The following NUBPL variants were observed in gnomAD, a reference collection of about 807,000 sequenced individuals.
NUBPL encodes iron-sulfur cluster transfer protein NUBPL.
A neutral mutation model predicts 45.7 loss-of-function variants in NUBPL; 31 were observed. The observed-to-expected ratio is 0.68, with a 90% CI of 0.51 to 0.92. The LOEUF (loss-of-function observed/expected upper bound fraction) is 0.92. Ranked by LOEUF, NUBPL falls within the 40% of genes least tolerant of loss-of-function variation. The pLI, the probability that NUBPL is intolerant of heterozygous loss-of-function variation, is 0.00. For synonymous variants in NUBPL, 144 were observed against 140.9 expected (o/e 1.02, Z -0.15); for missense variants, 401 against 398.7 (o/e 1.01, Z -0.05).
At chr14:31,693,578 T>C (rs1018490840) in intron 6 of NUBPL, among the ~76,000 whole-genome samples, 1 of 152,122 alleles carries the variant, frequency 6.6e-6, no homozygotes, top group African/African-American at 2.4e-5. Flanking sequence ...ATGGAAAAGA[T>C]TCATAGACTA....
rs552007112 is a variant in NUBPL at position 31,810,431 on chromosome 14, G to A, written c.608-16198G>A. ...TAAAGTCTGTTTTATCAGAGTCTAG[G>A]ATTGCAACCCCTGTTGTTTTTTGTT... is the stretch of plus-strand genomic sequence containing the variant. On this transcript the variant is annotated intron_variant, in intron 7 of 10. Transcript: ENST00000281081. Among the ~76,000 whole-genome samples the A allele has an allele frequency of 7.2e-5, 11 of 152,230 alleles. No individual in the cohort carries two copies. The East Asian group carries it at 2.1e-3, about 29-fold the overall frequency.
chr14:31,611,111 A>G (rs573926672), intron 4 of NUBPL, among the ~76,000 whole-genome samples: 43 of 152,308 alleles, frequency 2.8e-4, no homozygotes, highest in African/African-American at 9.4e-4. Context: ...AATAAGGGAC[A>G]TCCAAATTGG....
chr14:31,635,718 A>G (rs2035475975), intron 4 of NUBPL, among the ~76,000 whole-genome samples: 1 of 131,470 alleles, frequency 7.6e-6, no homozygotes, highest in Non-Finnish European at 1.8e-5. Context: ...CTTCCTACCC[A>G]TGAGCATGGA....
intron 7 of NUBPL, among the ~76,000 whole-genome samples, chr14:31,813,344 C>G (rs776194704): frequency 6.6e-6 from 1 of 151,934 alleles, no homozygotes; most frequent in Non-Finnish European, 1.5e-5. Flanking sequence ...GCCCATTTAA[C>G]TGTTCACTCC....
At chr14:31,782,485 A>G (rs1169620172) in intron 6 of NUBPL, among the ~76,000 whole-genome samples, 2 of 152,004 alleles carry the variant, frequency 1.3e-5, no homozygotes, top group African/African-American at 4.8e-5. Context: ...GTAACCTTAA[A>G]TTTTATTAAA....
intron 4 of NUBPL, among the ~76,000 whole-genome samples, chr14:31,607,205 A>T (rs1404521750): frequency 1.3e-5 from 2 of 151,902 alleles, no homozygotes. Flanking sequence ...ACATGGTGAA[A>T]CCCCATCTCT....
Position 31,754,591 on chromosome 14 carries a change from C to CTT in NUBPL, c.514-33169_514-33168dup, listed in dbSNP as rs59085679. On this transcript the variant is annotated intron_variant, in intron 6 of 10. Coordinates refer to ENST00000281081, the MANE Select transcript of NUBPL (RefSeq NM_025152.3). ...AAATTGATAATGTCAAGAGGGTTTTCTTTTTTTTTTTTTTTTTTTTTCTAT... is the reference window on the plus strand; with the variant it reads ...AAATTGATAATGTCAAGAGGGTTTTCTTTTTTTTTTTTTTTTTTTTTTTCTAT... Among the ~76,000 whole-genome samples, 222 of 103,686 alleles carry CTT rather than the reference C, an allele frequency of 2.1e-3. 2 individuals are homozygous for CTT. The highest frequency in any genetic ancestry group is 6.2e-3 in the African/African-American group (165 of 26,818). 68.0% of individuals were successfully genotyped at this position (103,686 alleles called of 152,430 possible).
intron 7 of NUBPL, among the ~76,000 whole-genome samples, chr14:31,809,631 A>T (rs1423177369): frequency 6.6e-6 from 1 of 151,812 alleles, no homozygotes; most frequent in Admixed American, 6.6e-5. Flanking sequence ...TTCTGCTCTG[A>T]TCTTAGTTAT....
At chr14:31,788,020 AT>A in intron 7 of NUBPL, 147 bp downstream of exon 7, 1 of 622,410 alleles carries the variant, frequency 1.6e-6, no homozygotes, top group East Asian at 2.8e-5. Flanking sequence ...AGAAGCATAA[AT>A]TATTCAAAAT....
chr14:31,573,175 TGCTGTCACTAG>T (rs1168815262), intron 3 of NUBPL, among the ~76,000 whole-genome samples: 8 of 152,234 alleles, frequency 5.3e-5, no homozygotes, highest in African/African-American at 1.7e-4. Context: ...ATGATGGCTG[TGCTGTCACTAG>T]GCAATGGGAA....
intron 4 of NUBPL, among the ~76,000 whole-genome samples, chr14:31,601,229 T>C (rs996181261): frequency 4.3e-4 from 65 of 152,074 alleles, no homozygotes; most frequent in East Asian, 2.3e-3. Context: ...ATTGACTTGG[T>C]GATGCAGGCT....
intron 6 of NUBPL, among the ~76,000 whole-genome samples, chr14:31,715,593 T>TAA (rs1174996974): frequency 6.6e-6 from 1 of 152,160 alleles, no homozygotes; most frequent in Non-Finnish European, 1.5e-5. Context: ...TGAACATACC[T>TAA]AAACATAGGA....
chr14:31,621,197 G>C (rs1219297115), intron 4 of NUBPL, among the ~76,000 whole-genome samples: 4 of 152,218 alleles, frequency 2.6e-5, no homozygotes, highest in Non-Finnish European at 5.9e-5. Flanking sequence ...TTTCAAGCCA[G>C]TGGATCTTAG....
chr14:31,712,934 C>G (rs77082496), intron 6 of NUBPL, among the ~76,000 whole-genome samples: 1 of 152,160 alleles, frequency 6.6e-6, no homozygotes, highest in African/African-American at 2.4e-5. Flanking sequence ...GGAAGAGGAA[C>G]TGGTTAACGA....
intron 4 of NUBPL, among the ~76,000 whole-genome samples, chr14:31,628,138 G>A (rs1449833605): frequency 6.6e-6 from 1 of 152,150 alleles, no homozygotes; most frequent in Non-Finnish European, 1.5e-5. Context: ...TATTTTAATA[G>A]CCTTTTAAAT....
At chr14:31,576,027 C>T (rs1324955649) in intron 3 of NUBPL, among the ~76,000 whole-genome samples, 3 of 152,098 alleles carry the variant, frequency 2.0e-5, no homozygotes, top group South Asian at 4.1e-4. Context: ...GGCTCAGAAA[C>T]TATATTTGTA....
intron 6 of NUBPL, among the ~76,000 whole-genome samples, chr14:31,717,999 T>G (rs1397891675): frequency 2.0e-5 from 3 of 152,220 alleles, no homozygotes; most frequent in African/African-American, 7.2e-5. Flanking sequence ...TTACCCACTG[T>G]GTAGTATGTG....
intron 6 of NUBPL, among the ~76,000 whole-genome samples, chr14:31,735,197 G>T (rs1566531143): frequency 6.6e-6 from 1 of 150,942 alleles, no homozygotes; most frequent in Non-Finnish European, 1.5e-5. Flanking sequence ...TACTGCTCTA[G>T]GTTGATTTCT....
At chr14:31,835,912 T>G (rs1346602183) in intron 8 of NUBPL, among the ~76,000 whole-genome samples, 1 of 152,228 alleles carries the variant, frequency 6.6e-6, no homozygotes, top group Non-Finnish European at 1.5e-5. Flanking sequence ...TCCTCCTCAC[T>G]TTTTCTTAAA....
Sources: gnomAD v4.1 joint callset for allele counts (sites outside exome capture counted in the v4.1 genomes callset) on GRCh38, gnomAD v4.1.1 for gene constraint, MANE v1.5 for transcripts, NCBI Gene and HGNC (gene_info 2026-07-23, HGNC 2026-07-21) for gene names.